The following PACC1 variants were observed in gnomAD, a reference collection of about 807,000 sequenced individuals.
PACC1 encodes proton-activated chloride channel.
Under a neutral mutation model 39.7 loss-of-function variants are expected in PACC1, and 34 were observed. The observed-to-expected ratio is 0.86, with a 90% CI of 0.65 to 1.14. PACC1 has a LOEUF of 1.14. PACC1 is among the 50% of genes most tolerant of loss of function. The pLI, the probability that PACC1 is intolerant of heterozygous loss-of-function variation, is 0.00. For missense variants in PACC1, 379 were observed against 436.4 expected, an observed-to-expected ratio of 0.87 and a Z score of 1.17; for synonymous variants, 127 against 160.6, an observed-to-expected ratio of 0.79 and a Z score of 1.58.
intron 6 of PACC1, among the ~76,000 whole-genome samples, chr1:212,375,622 C>T (rs920516667): frequency 1.3e-5 from 2 of 152,204 alleles, no homozygotes; most frequent in Admixed American, 6.5e-5. Flanking sequence ...TGTTGGCTCA[C>T]GTCTGTAATC....
chr1:212,385,661 C>T (rs1424019327), intron 3 of PACC1, among the ~76,000 whole-genome samples: 2 of 152,104 alleles, frequency 1.3e-5, no homozygotes, highest in Non-Finnish European at 2.9e-5. Flanking sequence ...GGGATCCAGC[C>T]GCCCTGATGC....
Position 212,410,425 on chromosome 1 carries a change from C to G in PACC1, c.133G>C (p.Gly45Arg). Reference sequence around the variant, plus strand: ...ACAGCAAAGCACCAAACGCACTCACCTGGTAAGATACCCGGACCTTGGACT... The same window carrying G: ...ACAGCAAAGCACCAAACGCACTCACGTGGTAAGATACCCGGACCTTGGACT... ...VRVQGPGILP[G>R]LDSESASSSI... Residue 45 changes from glycine to arginine, a missense_variant and splice_region_variant, in exon 2 of 8, where the codon GGC becomes CGC. Gly to Arg is a moderately radical substitution (Grantham distance 125). Transcript: ENST00000261455. 6.2e-7 allele frequency: 1 copy of G among 1,614,122 alleles called. No individual in the cohort carries two copies. The highest frequency in any genetic ancestry group is 8.5e-7 in the Non-Finnish European group (1 of 1,179,944).
chr1:212,385,600 C>T (rs188520402), intron 3 of PACC1, among the ~76,000 whole-genome samples, 175 bp from the exon 4 acceptor site: 59 of 152,238 alleles, frequency 3.9e-4, no homozygotes, highest in African/African-American at 1.4e-3. Context: ...TCAGAAAGCC[C>T]CGCTGTAGCA....
rs939794433 is a variant in PACC1, at chr1:212,386,505, C to G, written c.343+386G>C. 2.0e-5 allele frequency among the ~76,000 whole-genome samples: 3 copies of G among 152,132 alleles called. No homozygotes were observed. Among genetic ancestry groups the G allele is most frequent in the African/African-American group, 7.2e-5 (3 of 41,402 alleles). ...CTTCTCCTCATCCCTGCCCTCTGGC[C>G]CCAGCCAAGTTAGTCTCATCCTCTC... On this transcript the variant is annotated intron_variant, in intron 3 of 7. Coordinates refer to ENST00000261455, the MANE Select transcript of PACC1 (RefSeq NM_018252.3). The surrounding 1 kb of genome is among the most constrained non-coding windows in gnomAD (Gnocchi z 5.0).
intron 7 of PACC1, among the ~76,000 whole-genome samples, chr1:212,370,044 G>A (rs1447471289): frequency 6.6e-6 from 1 of 152,150 alleles, no homozygotes. Context: ...GAGACAGACT[G>A]CAATACAGTA....
intron 4 of PACC1, among the ~76,000 whole-genome samples, chr1:212,380,444 C>T (rs1042323973): frequency 2.6e-5 from 4 of 152,116 alleles, no homozygotes; most frequent in Non-Finnish European, 5.9e-5. Flanking sequence ...CTTTTCTTTA[C>T]GGCTTTGGGT....
intron 7 of PACC1, among the ~76,000 whole-genome samples, chr1:212,373,742 T>A (rs971519846): frequency 2.6e-5 from 4 of 152,136 alleles, no homozygotes; most frequent in East Asian, 1.9e-4. Context: ...CCAAAAGGCA[T>A]ATGAAAATAT....
chr1:212,407,727 C>G (rs545030078), intron 2 of PACC1, among the ~76,000 whole-genome samples: 1 of 152,172 alleles, frequency 6.6e-6, no homozygotes, highest in Non-Finnish European at 1.5e-5. Context: ...GAGATCCTCC[C>G]ATCTTGGCCT....
At chr1:212,394,386 G>A (rs1162039588) in intron 2 of PACC1, among the ~76,000 whole-genome samples, 1 of 152,090 alleles carries the variant, frequency 6.6e-6, no homozygotes, top group Non-Finnish European at 1.5e-5. Context: ...AAATTCAACA[G>A]CCCTTCATGC....
Position 212,377,615 on chromosome 1 carries a change from G to A in PACC1, c.730C>T (p.Leu244=), listed in dbSNP as rs751182672. ...GGFRTWVKMS[L]VKTKEEDGRE... ...CCATCCTCCTCCTTGGTCTTTACCA[G>A]TGACATCTTGACCCAGGTGCGGAAG... The change falls in exon 6 of 8, where the codon CTG becomes TTG. Residue 244 remains leucine, a synonymous_variant. Coordinates refer to ENST00000261455, the MANE Select transcript of PACC1 (RefSeq NM_018252.3). The A allele has an allele frequency of 7.4e-6, 12 of 1,614,060 alleles. No individual in the cohort carries two copies. The South Asian group carries it at 1.2e-4, about 16-fold the overall frequency.
intron 2 of PACC1, among the ~76,000 whole-genome samples, chr1:212,398,018 C>A (rs770689603): frequency 3.3e-5 from 5 of 152,080 alleles, no homozygotes; most frequent in Admixed American, 6.6e-5. Flanking sequence ...AGAAAATAAT[C>A]ATTTCCATTT....
At chr1:212,389,951 ATAGGCT>A (rs890432820) in intron 2 of PACC1, among the ~76,000 whole-genome samples, 3 of 152,236 alleles carry the variant, frequency 2.0e-5, no homozygotes, top group Non-Finnish European at 4.4e-5. Flanking sequence ...AGTTCACTGT[ATAGGCT>A]TAATAGCAAA....
intron 6 of PACC1, among the ~76,000 whole-genome samples, chr1:212,375,868 G>C (rs1660646686): frequency 6.6e-6 from 1 of 152,088 alleles, no homozygotes; most frequent in Non-Finnish European, 1.5e-5. Context: ...CTGGGGGACA[G>C]AGCAAGACTC....
chr1:212,412,689 G>C (rs1483736541), intron 1 of PACC1, among the ~76,000 whole-genome samples: 1 of 152,234 alleles, frequency 6.6e-6, no homozygotes, highest in Non-Finnish European at 1.5e-5. Flanking sequence ...AGCGGGGTAA[G>C]TGCCTATATT....
At chr1:212,407,273 A>G (rs1170582875) in intron 2 of PACC1, among the ~76,000 whole-genome samples, 1 of 152,196 alleles carries the variant, frequency 6.6e-6, no homozygotes, top group Non-Finnish European at 1.5e-5. Context: ...AGCTGCAGGA[A>G]GGGGCCACAA....
At chr1:212,375,336 C>T in intron 6 of PACC1, 36 bp from the exon 7 acceptor site, 1 of 1,450,778 alleles carries the variant, frequency 6.9e-7, no homozygotes, top group Non-Finnish European at 9.7e-7. Context: ...GTTACCACCT[C>T]TGTGTGCCCT....
chr1:212,387,434 T>G (rs1661144314), intron 2 of PACC1, among the ~76,000 whole-genome samples: 1 of 152,122 alleles, frequency 6.6e-6, no homozygotes, highest in Admixed American at 6.5e-5. Context: ...AAAAGGAGTT[T>G]ACTCTCTAGA....
chr1:212,382,972 C>A (rs1660960571), intron 4 of PACC1, among the ~76,000 whole-genome samples: 1 of 152,246 alleles, frequency 6.6e-6, no homozygotes. Context: ...ACCACTGCTG[C>A]AGAGCAGAGC....
intron 1 of PACC1, among the ~76,000 whole-genome samples, chr1:212,411,296 A>G (rs1662119327): frequency 1.3e-5 from 2 of 152,182 alleles, no homozygotes; most frequent in Admixed American, 6.5e-5. Context: ...TGCTGAGAGA[A>G]AAGAGGGAAC....
Sources: allele counts gnomAD v4.1 joint callset (sites outside exome capture counted in the v4.1 genomes callset), GRCh38; gene constraint gnomAD v4.1.1; non-coding constraint Gnocchi (gnomAD v3.1); transcripts MANE v1.5; gene names NCBI Gene and HGNC (gene_info 2026-07-23, HGNC 2026-07-21).